The following COL19A1 variants were observed in gnomAD, a reference collection of about 807,000 sequenced individuals.
The protein encoded by COL19A1 is collagen alpha-1(XIX) chain.
A neutral mutation model predicts 190.2 loss-of-function variants in COL19A1; 159 were observed. The ratio of observed to expected loss-of-function variants is 0.84; its 90% CI spans 0.73 to 0.95. COL19A1 has a LOEUF of 0.95. COL19A1 is among the 40% of genes least tolerant of loss of function. The pLI, the probability that COL19A1 is intolerant of heterozygous loss-of-function variation, is 0.00. For missense variants in COL19A1, 1,418 were observed against 1,431.9 expected (o/e 0.99, Z 0.16); for synonymous variants, 509 against 458.9 (o/e 1.11, Z -1.39).
intron 4 of COL19A1, among the ~76,000 whole-genome samples, chr6:69,921,743 T>C (rs1433476668): frequency 7.3e-6 from 1 of 137,568 alleles, no homozygotes; most frequent in Non-Finnish European, 1.6e-5. Flanking sequence ...TGTAGATTCG[T>C]ATATGTATAT....
chr6:70,038,300 A>G (rs539242615), intron 14 of COL19A1, among the ~76,000 whole-genome samples: 3 of 152,366 alleles, frequency 2.0e-5, no homozygotes, highest in African/African-American at 7.2e-5. Flanking sequence ...ACCCCCAGAA[A>G]TTCCAATTCA....
chr6:70,100,304 G>C (rs1321561048), intron 15 of COL19A1, among the ~76,000 whole-genome samples: 1 of 152,002 alleles, frequency 6.6e-6, no homozygotes, highest in East Asian at 1.9e-4. Context: ...GTCCTCAGAG[G>C]CGAATTTACT....
chr6:69,867,084 G>C (rs1326089543), intron 1 of COL19A1, among the ~76,000 whole-genome samples: 1 of 129,362 alleles, frequency 7.7e-6, no homozygotes, highest in African/African-American at 2.8e-5. Flanking sequence ...AATTCATGCC[G>C]TTAGAGCGCT....
At chr6:69,932,715 T>C (rs947588271) in intron 6 of COL19A1, 68 bp from the exon 7 acceptor site, 7 of 794,674 alleles carry the variant, frequency 8.8e-6, no homozygotes, top group Middle Eastern at 3.3e-4. Flanking sequence ...TAAATTACTG[T>C]AGTTCTTAAC....
intron 11 of COL19A1, among the ~76,000 whole-genome samples, chr6:70,008,637 A>G (rs781536494): frequency 1.3e-5 from 2 of 151,842 alleles, no homozygotes; most frequent in African/African-American, 2.4e-5. Context: ...TCCTACACAT[A>G]ATTTTTTCAA....
chr6:70,187,982 C>A, intron 46 of COL19A1, 93 bp from the exon 47 acceptor site: 1 of 1,426,090 alleles, frequency 7.0e-7, no homozygotes, highest in South Asian at 1.3e-5. Flanking sequence ...GGCCCAACAG[C>A]TAATAAGTGC....
intron 14 of COL19A1, among the ~76,000 whole-genome samples, chr6:70,054,669 T>C (rs897938364): frequency 1.3e-5 from 2 of 152,204 alleles, no homozygotes; most frequent in Non-Finnish European, 1.5e-5. Flanking sequence ...CAAACAGTAC[T>C]GTTAAAGGCT....
intron 11 of COL19A1, among the ~76,000 whole-genome samples, chr6:69,971,653 C>G (rs1775431265): frequency 6.6e-6 from 1 of 152,176 alleles, no homozygotes; most frequent in African/African-American, 2.4e-5. Context: ...TAAGAAATGT[C>G]AGACTTTAGG....
chr6:70,173,938 TTAAG>T, intron 41 of COL19A1, among the ~76,000 whole-genome samples: 1 of 152,006 alleles, frequency 6.6e-6, no homozygotes, highest in African/African-American at 2.4e-5. Flanking sequence ...GCCAATGTCT[TTAAG>T]TAGCCTAGAG....
intron 20 of COL19A1, among the ~76,000 whole-genome samples, chr6:70,141,423 C>T (rs548663428): frequency 6.6e-6 from 1 of 152,194 alleles, no homozygotes; most frequent in African/African-American, 2.4e-5. Context: ...GTATCATCCT[C>T]TTTTGTATAA....
At chr6:69,901,784 T>G (rs1457819305) in intron 4 of COL19A1, among the ~76,000 whole-genome samples, 2 of 152,224 alleles carry the variant, frequency 1.3e-5, no homozygotes, top group Non-Finnish European at 2.9e-5. Flanking sequence ...CCCATCTTCT[T>G]TCGGATTTAA....
chr6:70,153,502 T>C (rs1184987322), intron 31 of COL19A1, among the ~76,000 whole-genome samples: 1 of 152,162 alleles, frequency 6.6e-6, no homozygotes, highest in Non-Finnish European at 1.5e-5. Flanking sequence ...TATTTAAATT[T>C]GCCATTCTGG....
chr6:69,888,903 A>G (rs1424477914), intron 2 of COL19A1, among the ~76,000 whole-genome samples: 2 of 151,980 alleles, frequency 1.3e-5, no homozygotes, highest in Non-Finnish European at 2.9e-5. Context: ...CTTTTTCCCA[A>G]CCTGATATAC....
rs1282187874 is a variant in COL19A1, at chr6:69,921,282, A to G, written c.267-6627A>G. 6.8e-5 allele frequency among the ~76,000 whole-genome samples: 9 copies of G among 132,592 alleles called. No homozygotes were observed. In the East Asian group the frequency reaches 1.5e-3, roughly 22 times the overall value. The allele number at this position is 132,592 out of a possible 152,430, so 87.0% of individuals were successfully genotyped here. A position where few individuals can be genotyped will look rare whatever the true frequency, so the allele number is the denominator to read the frequency against. ...ATATCATATATCATATATATCATAT[A>G]TCATATATCATATATATCATATATC... On this transcript the variant is annotated intron_variant, in intron 4 of 50. Coordinates refer to ENST00000620364, the MANE Select transcript of COL19A1 (RefSeq NM_001858.6).
At chr6:70,059,926 A>AG (rs1780725129) in intron 14 of COL19A1, 3 of 336,302 alleles carry the variant, frequency 8.9e-6, no homozygotes, top group Middle Eastern at 1.0e-3. Flanking sequence ...AAATTGAAGA[A>AG]GAAAAAAAAT....
At chr6:69,938,256 C>T (rs1309746720) in intron 9 of COL19A1, among the ~76,000 whole-genome samples, 156 bp downstream of exon 9, 1 of 152,086 alleles carries the variant, frequency 6.6e-6, no homozygotes, top group Non-Finnish European at 1.5e-5. Context: ...GAAATAGAGA[C>T]TATCAGCATT....
intron 25 of COL19A1, among the ~76,000 whole-genome samples, chr6:70,146,075 A>G (rs1228170944): frequency 6.6e-6 from 1 of 152,154 alleles, no homozygotes; most frequent in African/African-American, 2.4e-5. Context: ...AAGAAAATAT[A>G]CATGCATACA....
intron 14 of COL19A1, among the ~76,000 whole-genome samples, chr6:70,055,027 C>T (rs917097327): frequency 3.3e-5 from 5 of 152,078 alleles, no homozygotes; most frequent in Admixed American, 2.0e-4. Flanking sequence ...TCATAACAAA[C>T]AACTACATAT....
intron 12 of COL19A1, among the ~76,000 whole-genome samples, chr6:70,032,078 G>A (rs1779106157): frequency 6.6e-6 from 1 of 152,156 alleles, no homozygotes; most frequent in Non-Finnish European, 1.5e-5. Flanking sequence ...AGTAGAGGGA[G>A]GGATGTCACT....
Sources: gnomAD v4.1 joint callset for allele counts (sites outside exome capture counted in the v4.1 genomes callset) on GRCh38, gnomAD v4.1.1 for gene constraint, MANE v1.5 for transcripts, NCBI Gene and HGNC (gene_info 2026-07-23, HGNC 2026-07-21) for gene names.